Variants in PHF24 observed in about 807,000 individuals in gnomAD.
The protein encoded by PHF24 is PHD finger protein 24.
In PHF24, 25 loss-of-function variants were observed where a neutral mutation model predicts 42.6. The observed-to-expected ratio is 0.59, with a 90% CI of 0.43 to 0.82. PHF24 has a LOEUF of 0.82. Among genes scored for constraint, PHF24 ranks in the 40% least tolerant of loss-of-function variants. The pLI is 0.00. For synonymous variants in PHF24, 185 were observed against 204.8 expected (o/e 0.90, Z 0.83); for missense variants, 470 against 538.1 (o/e 0.87, Z 1.25).
chr9:34,768,830 T>C, the PHF24 span, among the ~76,000 whole-genome samples: 3 of 151,800 alleles, frequency 2.0e-5, no homozygotes, highest in Non-Finnish European at 2.9e-5. Flanking sequence ...TATTGGAAAG[T>C]GGTATGACTG....
At chr9:34,725,733 C>T in the PHF24 span, 1 of 1,548,106 alleles carries the variant, frequency 6.5e-7, no homozygotes. Context: ...CGTTGATGGT[C>T]AGATGGAGAC....
chr9:34,917,227 T>G, the PHF24 span: 13 of 1,375,264 alleles, frequency 9.5e-6, no homozygotes, highest in Admixed American at 1.7e-5. Context: ...CAGGTGTACA[T>G]ATCCCTGCCT....
At chr9:34,886,826 G>GTATGTATCTATCTATCTATC in the PHF24 span, among the ~76,000 whole-genome samples, 964 of 80,868 alleles carry the variant, frequency 0.012, 8 homozygotes, top group African/African-American at 0.029. Flanking sequence ...ATGTATCTAT[G>GTATGTATCTATCTATCTATC]TATCTATGTA....
the PHF24 span, among the ~76,000 whole-genome samples, chr9:34,928,880 T>C: frequency 1.3e-5 from 2 of 152,228 alleles, no homozygotes; most frequent in Non-Finnish European, 2.9e-5. Flanking sequence ...ATTACTGCTC[T>C]CATCTCAGTA....
At chr9:34,952,875 GAA>G (rs1440298707), upstream of PHF24, among the ~76,000 whole-genome samples, 1 of 152,176 alleles carries the variant, frequency 6.6e-6, no homozygotes, top group African/African-American at 2.4e-5. Flanking sequence ...ACTCAATGAA[GAA>G]AGTCTTTTCA....
At chr9:34,689,812 T>G in the PHF24 span, 1 of 1,614,048 alleles carries the variant, frequency 6.2e-7, no homozygotes, top group Non-Finnish European at 8.5e-7. The surrounding 1 kb of genome is among the most constrained non-coding windows in gnomAD (Gnocchi z 4.1). Flanking sequence ...CTCTGCACGG[T>G]CATAGGTTAA....
chr9:34,833,897 G>A, the PHF24 span: 4,502 of 1,541,302 alleles, frequency 2.9e-3, 124 homozygotes, highest in African/African-American at 0.054. Flanking sequence ...AGTGACTGCC[G>A]GGGCCAGGGC....
At chr9:34,848,343 C>T in the PHF24 span, among the ~76,000 whole-genome samples, 1 of 151,482 alleles carries the variant, frequency 6.6e-6, no homozygotes, top group Non-Finnish European at 1.5e-5. Context: ...GTGTATGTGT[C>T]GAGGAATTTA....
At chr9:34,672,845 C>T in the PHF24 span, among the ~76,000 whole-genome samples, 1 of 152,128 alleles carries the variant, frequency 6.6e-6, no homozygotes, top group Non-Finnish European at 1.5e-5. Flanking sequence ...CTCACTCTGT[C>T]GCCCAGGCTG....
At chr9:34,680,156 C>T in the PHF24 span, among the ~76,000 whole-genome samples, 1 of 152,158 alleles carries the variant, frequency 6.6e-6, no homozygotes, top group Non-Finnish European at 1.5e-5. Context: ...GGGCAGATCA[C>T]CTGAGGTCAG....
chr9:34,714,532 C>G, the PHF24 span, among the ~76,000 whole-genome samples: 1 of 152,224 alleles, frequency 6.6e-6, no homozygotes, highest in Non-Finnish European at 1.5e-5. Flanking sequence ...AATAGAATCT[C>G]AGAATAGAGC....
At chr9:34,716,010 C>A in the PHF24 span, among the ~76,000 whole-genome samples, 6 of 152,194 alleles carry the variant, frequency 3.9e-5, no homozygotes, top group Admixed American at 6.5e-5. Context: ...CTAGGCAAGT[C>A]CTGGAATAGG....
the PHF24 span, among the ~76,000 whole-genome samples, chr9:34,740,577 G>GC: frequency 6.6e-6 from 1 of 152,184 alleles, no homozygotes; most frequent in Non-Finnish European, 1.5e-5. Flanking sequence ...CAGCTGGCCC[G>GC]CAAGCACCTC....
the PHF24 span, among the ~76,000 whole-genome samples, chr9:34,735,792 C>T: frequency 1.3e-5 from 2 of 150,314 alleles, no homozygotes; most frequent in African/African-American, 4.9e-5. Context: ...GAGTAAGAGA[C>T]TCCCTCTAAA....
chr9:34,667,328 C>T, the PHF24 span, among the ~76,000 whole-genome samples: 1 of 152,202 alleles, frequency 6.6e-6, no homozygotes, highest in Non-Finnish European at 1.5e-5. Flanking sequence ...CCTCTTTCTC[C>T]CTCTCATTCT....
At chr9:34,762,872 G>C in the PHF24 span, among the ~76,000 whole-genome samples, 1 of 152,138 alleles carries the variant, frequency 6.6e-6, no homozygotes, top group Non-Finnish European at 1.5e-5. Flanking sequence ...ATTAATTTTG[G>C]TATAAGGTGT....
the PHF24 span, chr9:34,709,195 G>T: frequency 1.5e-6 from 1 of 671,766 alleles, no homozygotes; most frequent in East Asian, 2.7e-5. Context: ...GACCTGGCCT[G>T]CTGTGGGCAG....
At chr9:34,788,297 C>A in the PHF24 span, among the ~76,000 whole-genome samples, 1 of 152,168 alleles carries the variant, frequency 6.6e-6, no homozygotes, top group Non-Finnish European at 1.5e-5. Context: ...TCCATCTCAG[C>A]CTCCCAAGGT....
the PHF24 span, among the ~76,000 whole-genome samples, chr9:34,686,338 G>A: frequency 6.6e-6 from 1 of 152,140 alleles, no homozygotes. Flanking sequence ...GATCAAAACC[G>A]TATGAAGCTG....
Sources: gnomAD v4.1 joint callset for allele counts (sites outside exome capture counted in the v4.1 genomes callset) on GRCh38, gnomAD v4.1.1 for gene constraint, Gnocchi (gnomAD v3.1) non-coding constraint, MANE v1.5 for transcripts, NCBI Gene and HGNC (gene_info 2026-07-23, HGNC 2026-07-21) for gene names.